Variants in KIDINS220 observed in about 807,000 individuals in gnomAD.
KIDINS220 encodes the protein kinase D interacting substrate 220, also known as kinase D-interacting substrate of 220 kDa.
A neutral mutation model predicts 157.6 loss-of-function variants in KIDINS220; 63 were observed. That is an observed-to-expected ratio of 0.40 (90% CI 0.33 to 0.49). KIDINS220 has a LOEUF of 0.49. KIDINS220 is among the 20% of genes least tolerant of loss of function. The probability of loss-of-function intolerance (pLI) is 0.66; values close to 1 mark genes in which losing one functional copy is unlikely to be tolerated. For missense variants in KIDINS220, 1,772 were observed against 2,171.2 expected, an observed-to-expected ratio of 0.82 and a Z score of 3.65; for synonymous variants, 732 against 783.6, an observed-to-expected ratio of 0.93 and a Z score of 1.10.
intron 27 of KIDINS220, among the ~76,000 whole-genome samples, chr2:8,735,793 A>T (rs897302453): frequency 1.3e-5 from 2 of 152,208 alleles, no homozygotes; most frequent in African/African-American, 4.8e-5. Flanking sequence ...TGCTGCAACA[A>T]TGCCGCGGAG....
intron 2 of KIDINS220, chr2:8,825,723 A>G (rs1240534545): frequency 6.6e-6 from 1 of 152,240 alleles, no homozygotes; most frequent in Non-Finnish European, 1.5e-5. Flanking sequence ...TGTAAAACAA[A>G]CACATACCCT....
intron 26 of KIDINS220, among the ~76,000 whole-genome samples, chr2:8,737,516 T>C (rs1407080356): frequency 2.6e-5 from 4 of 152,240 alleles, no homozygotes; most frequent in African/African-American, 7.2e-5. Context: ...CTTCATCATA[T>C]TGTATCCAAG....
At chr2:8,737,144 C>A in intron 26 of KIDINS220, 145 bp from the exon 27 acceptor site, 1 of 762,606 alleles carries the variant, frequency 1.3e-6, no homozygotes. Flanking sequence ...AAGGAAATAC[C>A]ATTAGGGAAC....
intron 5 of KIDINS220, 131 bp from the exon 6 acceptor site, chr2:8,812,624 A>G (rs1676486454): frequency 4.7e-6 from 2 of 424,816 alleles, no homozygotes; most frequent in Non-Finnish European, 8.4e-6. Context: ...TTTGCTAAGT[A>G]AAGTAAACAT....
intron 24 of KIDINS220, 57 bp from the exon 25 acceptor site, chr2:8,748,057 T>G: frequency 9.7e-7 from 1 of 1,032,012 alleles, no homozygotes; most frequent in Non-Finnish European, 1.4e-6. Context: ...GAAAGTGTAA[T>G]GAGATTTTTC....
intron 22 of KIDINS220, among the ~76,000 whole-genome samples, chr2:8,762,595 C>T (rs766374393): frequency 4.0e-5 from 6 of 151,810 alleles, no homozygotes; most frequent in African/African-American, 7.3e-5. Flanking sequence ...AAAAATTAGC[C>T]GGGCATGGTG....
chr2:8,730,266 C>T lies in KIDINS220; in HGVS notation c.*454G>A. 1.0e-6 allele frequency: 1 copy of T among 993,646 alleles called. No homozygotes were observed. The highest frequency in any genetic ancestry group is 1.2e-6 in the Non-Finnish European group (1 of 835,552). The allele number at this position is 993,646 out of a possible 1,614,324, so 61.6% of individuals were successfully genotyped here. A position where few individuals can be genotyped will look rare whatever the true frequency, so the allele number is the denominator to read the frequency against. On this transcript the variant is annotated 3_prime_UTR_variant, in exon 30 of 30. Coordinates refer to ENST00000256707, the MANE Select transcript of KIDINS220 (RefSeq NM_020738.4). ...TCCCTGTAGCGTCACAGGCTGTGCA[C>T]TCACCTAGGTGAGCCCCTAAGAGCA...
At chr2:8,814,928 A>G (rs1676840367) in intron 4 of KIDINS220, among the ~76,000 whole-genome samples, 1 of 152,170 alleles carries the variant, frequency 6.6e-6, no homozygotes, top group South Asian at 2.1e-4. Context: ...CACAAATCCA[A>G]ACTGAGGAAC....
chr2:8,818,944 T>C (rs1677498658), intron 2 of KIDINS220, 151 bp from the exon 3 acceptor site: 2 of 426,128 alleles, frequency 4.7e-6, no homozygotes, highest in Non-Finnish European at 8.4e-6. Flanking sequence ...CTTTGAACTT[T>C]AAGTTTCAGT....
intron 11 of KIDINS220, 184 bp from the exon 12 acceptor site, chr2:8,794,171 C>T: frequency 4.4e-6 from 2 of 451,698 alleles, no homozygotes; most frequent in South Asian, 3.8e-5. Context: ...AGCTCCTCAT[C>T]CAGCTTTGCT....
intron 21 of KIDINS220, among the ~76,000 whole-genome samples, chr2:8,772,266 A>T (rs1257865241): frequency 2.6e-5 from 4 of 152,166 alleles, no homozygotes; most frequent in African/African-American, 9.7e-5. Context: ...ATTTGAGGTC[A>T]GGAGTTCAAG....
intron 17 of KIDINS220, 65 bp downstream of exon 17, chr2:8,785,675 CA>C: frequency 1.5e-6 from 2 of 1,377,666 alleles, no homozygotes; most frequent in Non-Finnish European, 1.0e-6. Flanking sequence ...TCCTAAAGCC[CA>C]AATGAGCATG....
intron 1 of KIDINS220, among the ~76,000 whole-genome samples, chr2:8,827,831 T>C (rs1238717007): frequency 6.6e-6 from 1 of 152,196 alleles, no homozygotes; most frequent in East Asian, 1.9e-4. Context: ...ATTACATTAC[T>C]TTTTTTAAAA....
In KIDINS220 at chr2:8,793,209, T is replaced by TA. The variant is rs901760050; in HGVS notation, c.1276+600dup. ...AAATATTTTAAAATACAAAAAGTCATAAAAAAATAGAATCATGGCCAGGCA... is the reference window on the plus strand; with the variant it reads ...AAATATTTTAAAATACAAAAAGTCATAAAAAAAATAGAATCATGGCCAGGCA... On this transcript the variant is annotated intron_variant, in intron 12 of 29. Transcript: ENST00000256707. 4.4e-4 allele frequency among the ~76,000 whole-genome samples: 67 copies of TA among 151,926 alleles called. 1 individual carries two copies. The highest frequency in any genetic ancestry group is 1.0e-3 in the African/African-American group (43 of 41,442).
chr2:8,781,870 C>T (rs1671769536), intron 17 of KIDINS220, among the ~76,000 whole-genome samples: 1 of 152,070 alleles, frequency 6.6e-6, no homozygotes, highest in Non-Finnish European at 1.5e-5. Flanking sequence ...GCCTATAATC[C>T]CAGCACTTTG....
intron 17 of KIDINS220, among the ~76,000 whole-genome samples, chr2:8,781,153 A>ATATATATATAATATATATATAT (rs70946383): frequency 7.7e-6 from 1 of 130,410 alleles, no homozygotes; most frequent in Non-Finnish European, 1.6e-5. Flanking sequence ...ATATATATAT[A>ATATATATATAATATATATATAT]ATATATATAT....
At chr2:8,811,295 G>GAAA (rs34199182) in intron 6 of KIDINS220, among the ~76,000 whole-genome samples, 6 of 139,586 alleles carry the variant, frequency 4.3e-5, no homozygotes, top group Admixed American at 7.1e-5. Context: ...TACAAAATGG[G>GAAA]AAAAAAAAAA....
In KIDINS220 at chr2:8,796,992, G is replaced by A. The variant is rs541855964; in HGVS notation, c.1000-123C>T. The A allele has an allele frequency of 4.3e-5, 32 of 745,012 alleles. No homozygotes were observed. In the East Asian group the frequency reaches 4.5e-4, roughly 10 times the overall value. The allele number at this position is 745,012 out of a possible 1,614,324, so 46.2% of individuals were successfully genotyped here. A position where few individuals can be genotyped will look rare whatever the true frequency, so the allele number is the denominator to read the frequency against. On this transcript the variant is annotated intron_variant, in intron 10 of 29. Transcript: ENST00000256707. The stretch of plus-strand genomic sequence containing the variant: ...CAGCCTATATTTAAAACCCTCTCAA[G>A]AAAACATAAAAGCTAACAACAAAAA...
At chr2:8,791,618 T>C (rs924499458) in intron 12 of KIDINS220, among the ~76,000 whole-genome samples, 5 of 152,166 alleles carry the variant, frequency 3.3e-5, no homozygotes, top group Admixed American at 6.5e-5. Flanking sequence ...TGTTAAATTA[T>C]GGGAACATTG....
Sources: allele counts gnomAD v4.1 joint callset (sites outside exome capture counted in the v4.1 genomes callset), GRCh38; gene constraint gnomAD v4.1.1; transcripts MANE v1.5; gene names NCBI Gene and HGNC (gene_info 2026-07-23, HGNC 2026-07-21).